ROBO1: variants seen among roughly 807,000 people sequenced by gnomAD.
The protein encoded by ROBO1 is roundabout homolog 1.
ROBO1 carries 149 observed loss-of-function variants against 195.9 expected under a neutral mutation model. The ratio of observed to expected loss-of-function variants is 0.76; its 90% CI spans 0.67 to 0.87. The LOEUF (loss-of-function observed/expected upper bound fraction) is 0.87. Among genes scored for constraint, ROBO1 ranks in the 40% least tolerant of loss-of-function variants. The probability of loss-of-function intolerance (pLI) is 0.00; values close to 1 mark genes in which losing one functional copy is unlikely to be tolerated. For synonymous variants in ROBO1, 816 were observed against 733.2 expected (o/e 1.11, Z -1.82); for missense variants, 1,933 against 2,068.3 (o/e 0.93, Z 1.27).
chr3:79,551,709 T>G (rs1371248164), intron 2 of ROBO1, among the ~76,000 whole-genome samples: 3 of 151,970 alleles, frequency 2.0e-5, no homozygotes, highest in Non-Finnish European at 4.4e-5. Flanking sequence ...CTAGTGACTG[T>G]GATATCCCTG....
chr3:78,738,276 G>A (rs11127631), intron 5 of ROBO1, among the ~76,000 whole-genome samples: 26,851 of 151,972 alleles, frequency 0.18, 2,909 homozygotes, highest in East Asian at 0.47. Flanking sequence ...GGAAATCAAA[G>A]AAACCTACAA....
At chr3:78,749,791 G>T (rs2082742657) in intron 4 of ROBO1, among the ~76,000 whole-genome samples, 1 of 152,230 alleles carries the variant, frequency 6.6e-6, no homozygotes, top group South Asian at 2.1e-4. Context: ...TAAATCTTTT[G>T]AAAAGCTTCT....
chr3:78,746,912 A>G lies in ROBO1; in HGVS notation c.500-12T>C, dbSNP rs1431897716. 6.6e-7 allele frequency: 1 copy of G among 1,513,728 alleles called. No homozygotes were observed. The highest frequency in any genetic ancestry group is 8.9e-7 in the Non-Finnish European group (1 of 1,118,678). The allele number at this position is 1,513,728 out of a possible 1,614,324, so 93.8% of individuals were successfully genotyped here. On this transcript the variant is annotated splice_polypyrimidine_tract_variant and intron_variant, in intron 4 of 30. Coordinates refer to ENST00000464233, the MANE Select transcript of ROBO1 (RefSeq NM_002941.4). ...GTCATCCCGAAGTACTGTAGGAACA[A>G]GATTAAATCATTATACCCAAAAGTG...
At chr3:79,115,715 C>T (rs530449706) in intron 3 of ROBO1, among the ~76,000 whole-genome samples, 44 of 152,230 alleles carry the variant, frequency 2.9e-4, no homozygotes, top group Non-Finnish European at 5.3e-4. Context: ...ATATTGAACT[C>T]CTTTCACCAT....
intron 3 of ROBO1, among the ~76,000 whole-genome samples, chr3:79,051,264 G>A (rs1326525306): frequency 6.6e-6 from 1 of 152,190 alleles, no homozygotes. Flanking sequence ...TGCCATCAGA[G>A]AATACTATGA....
At chr3:78,758,054 G>T (rs2082984490) in intron 4 of ROBO1, among the ~76,000 whole-genome samples, 1 of 152,286 alleles carries the variant, frequency 6.6e-6, no homozygotes, top group Non-Finnish European at 1.5e-5. Context: ...GGGAGAGTCT[G>T]CTCAGCCATC....
At chr3:79,497,067 T>A (rs1483949841) in intron 2 of ROBO1, among the ~76,000 whole-genome samples, 1 of 152,140 alleles carries the variant, frequency 6.6e-6, no homozygotes, top group Non-Finnish European at 1.5e-5. Context: ...TATTAAAGAA[T>A]CTGAGGAGAA....
chr3:79,432,906 C>T (rs1461207558), intron 2 of ROBO1, among the ~76,000 whole-genome samples: 1 of 152,104 alleles, frequency 6.6e-6, no homozygotes, highest in Non-Finnish European at 1.5e-5. Context: ...ATCCTGTCTT[C>T]AATATTAGTC....
rs1377799885 is a variant in ROBO1 at position 78,717,645 on chromosome 3, T to C, written c.778+118A>G. 4 of 1,194,966 alleles carry C rather than the reference T, an allele frequency of 3.3e-6. No individual in the cohort carries two copies. The African/African-American group carries it at 6.2e-5, about 18-fold the overall frequency. The allele number at this position is 1,194,966 out of a possible 1,614,324, so 74.0% of individuals were successfully genotyped here. ...TGCTTTTCTGATTTCTTCTCTCCTC[T>C]TTCTACCCACCCCCTAAAAATATTT... On this transcript the variant is annotated intron_variant, in intron 6 of 30. Transcript: ENST00000464233.
At chr3:79,118,611 T>C (rs1475635317) in intron 3 of ROBO1, among the ~76,000 whole-genome samples, 1 of 152,162 alleles carries the variant, frequency 6.6e-6, no homozygotes, top group Non-Finnish European at 1.5e-5. Context: ...GGCTCACGCC[T>C]GTAATCCCAG....
chr3:79,561,863 T>C (rs907731940), intron 2 of ROBO1, among the ~76,000 whole-genome samples: 16 of 152,124 alleles, frequency 1.1e-4, no homozygotes, highest in African/African-American at 3.6e-4. Flanking sequence ...ACATGTCTAT[T>C]AGACATAAAA....
intron 5 of ROBO1, among the ~76,000 whole-genome samples, chr3:78,726,618 T>C (rs911159096): frequency 6.6e-6 from 1 of 152,160 alleles, no homozygotes; most frequent in Non-Finnish European, 1.5e-5. Flanking sequence ...AGAATATCTC[T>C]TCATAGAAAT....
intron 2 of ROBO1, among the ~76,000 whole-genome samples, chr3:79,340,878 G>T (rs2034880966): frequency 6.6e-6 from 1 of 152,194 alleles, no homozygotes; most frequent in African/African-American, 2.4e-5. Flanking sequence ...CAAAGTGCCT[G>T]ATGTAGATTA....
At chr3:79,403,670 C>T (rs1000658818) in intron 2 of ROBO1, among the ~76,000 whole-genome samples, 18 of 151,786 alleles carry the variant, frequency 1.2e-4, no homozygotes, top group African/African-American at 4.4e-4. Context: ...AAATCAAAGT[C>T]AGTTGGAAAA....
chr3:78,670,379 C>G, intron 10 of ROBO1, 78 bp from the exon 11 acceptor site: 1 of 1,245,320 alleles, frequency 8.0e-7, no homozygotes, highest in African/African-American at 1.5e-5. Flanking sequence ...AGCAGTTGTT[C>G]TAGGCTTTGA....
At position 79,303,208 on chromosome 3, in the gene ROBO1, C is replaced by T. The variant is rs142507581; in HGVS notation, c.89-177669G>A. Among the ~76,000 whole-genome samples, 599 of 144,378 alleles carry T rather than the reference C, an allele frequency of 4.1e-3. 2 individuals are homozygous for T. Among genetic ancestry groups the T allele is most frequent in the African/African-American group, 0.015 (574 of 39,118 alleles). The allele number at this position is 144,378 out of a possible 152,430, so 94.7% of individuals were successfully genotyped here. On this transcript the variant is annotated intron_variant, in intron 2 of 30. Coordinates refer to ENST00000464233, the MANE Select transcript of ROBO1 (RefSeq NM_002941.4). ...TGGAGATGGAGTCTTGCTCTGTTGC[C>T]CAGGCTGGAGCGCAGTGGCGCCATC...
intron 2 of ROBO1, among the ~76,000 whole-genome samples, chr3:79,533,879 G>A (rs76396218): frequency 0.048 from 7,288 of 152,022 alleles, 221 homozygotes; most frequent in Middle Eastern, 0.14. Context: ...CCCAATTCCT[G>A]GAAATTGTGA....
chr3:78,672,163 G>C (rs1708099206), intron 10 of ROBO1, among the ~76,000 whole-genome samples: 1 of 152,032 alleles, frequency 6.6e-6, no homozygotes, highest in Non-Finnish European at 1.5e-5. Context: ...TATTTAAATG[G>C]AACAGATAAG....
intron 3 of ROBO1, chr3:79,019,310 C>T: frequency 1.0e-6 from 1 of 985,824 alleles, no homozygotes; most frequent in Non-Finnish European, 1.2e-6. Context: ...TGTAAAGAGG[C>T]AGCTCCCGGC....
Sources: gnomAD v4.1 joint callset for allele counts (sites outside exome capture counted in the v4.1 genomes callset) on GRCh38, gnomAD v4.1.1 for gene constraint, MANE v1.5 for transcripts, NCBI Gene and HGNC (gene_info 2026-07-23, HGNC 2026-07-21) for gene names.